ADGRB1: variants seen among roughly 807,000 people sequenced by gnomAD.
ADGRB1 encodes adhesion G protein-coupled receptor B1, also known as brain-specific angiogenesis inhibitor 1.
ADGRB1 carries 36 observed loss-of-function variants against 175.7 expected under a neutral mutation model. The ratio of observed to expected loss-of-function variants is 0.20; its 90% CI spans 0.16 to 0.27. ADGRB1 has a LOEUF of 0.27. Among genes scored for constraint, ADGRB1 ranks in the 10% least tolerant of loss-of-function variants. ADGRB1 has a pLI of 1.00. For missense variants in ADGRB1, 1,731 were observed against 2,255.3 expected (o/e 0.77, Z 4.71); for synonymous variants, 1,054 against 979.4 (o/e 1.08, Z -1.42).
Position 142,543,139 on chromosome 8 carries a change from T to C in ADGRB1, c.4414-264T>C, listed in dbSNP as rs553928675. ...GGGGACCCAGCCATGTGGCCCCAAG[T>C]TCAGGTCTCCTTGATCCTGGGGAGT... is the stretch of plus-strand genomic sequence containing the variant. On this transcript the variant is annotated intron_variant, in intron 28 of 30. Transcript: ENST00000517894. This position sits in a 1 kb window ranked among gnomAD's most constrained non-coding sequence, Gnocchi z 4.4. Among the ~76,000 whole-genome samples the C allele has an allele frequency of 6.6e-6, 1 of 152,220 alleles. No individual in the cohort carries two copies. Among genetic ancestry groups the C allele is most frequent in the African/African-American group, 2.4e-5 (1 of 41,554 alleles).
rs938209564 is a variant in ADGRB1, at chr8:142,510,712, T to TCGG, written c.2676-204_2676-202dup. The stretch of plus-strand genomic sequence containing the variant: ...TCCCTCGGGCTGCGCTCCGCGGCTC[T>TCGG]CGGCGGCGGCGGCGGCGGGCGCAGA... On this transcript the variant is annotated intron_variant, in intron 17 of 30. Coordinates refer to ENST00000517894, the MANE Select transcript of ADGRB1 (RefSeq NM_001702.3). The surrounding 1 kb of genome is among the most constrained non-coding windows in gnomAD (Gnocchi z 6.3). Among the ~76,000 whole-genome samples the TCGG allele has an allele frequency of 1.8e-4, 25 of 142,106 alleles. No homozygotes were observed. Among genetic ancestry groups the TCGG allele is most frequent in the African/African-American group, 5.1e-4 (20 of 39,204 alleles). The allele number at this position is 142,106 out of a possible 152,430, so 93.2% of individuals were successfully genotyped here.
intron 2 of ADGRB1, among the ~76,000 whole-genome samples, chr8:142,472,199 C>T (rs1426629440): frequency 6.6e-6 from 1 of 152,180 alleles, no homozygotes; most frequent in Non-Finnish European, 1.5e-5. Context: ...CCATCCCAGC[C>T]AACTCGGGGT....
intron 1 of ADGRB1, among the ~76,000 whole-genome samples, chr8:142,459,559 G>A (rs959487201): frequency 1.3e-5 from 2 of 152,186 alleles, no homozygotes; most frequent in Non-Finnish European, 2.9e-5. Flanking sequence ...TGTCCCCGCT[G>A]CCCTCACATC....
At position 142,511,368 on chromosome 8, in the gene ADGRB1, C is replaced by T. The variant is rs1048961951; in HGVS notation, c.2817+295C>T. 6.6e-6 allele frequency among the ~76,000 whole-genome samples: 1 copy of T among 152,078 alleles called. No individual in the cohort carries two copies. The highest frequency in any genetic ancestry group is 1.5e-5 in the Non-Finnish European group (1 of 67,988). On this transcript the variant is annotated intron_variant, in intron 18 of 30. Transcript: ENST00000517894. The surrounding 1 kb of genome is among the most constrained non-coding windows in gnomAD (Gnocchi z 4.5). Reference sequence around the variant, plus strand: ...CCCTGGCCTTGGAGGCCCGGGATCTCCGAGGGAGCCTGGGCCTGGGGAGAG... The same window carrying T: ...CCCTGGCCTTGGAGGCCCGGGATCTTCGAGGGAGCCTGGGCCTGGGGAGAG...
At chr8:142,496,130 C>G (rs111066435) in intron 17 of ADGRB1, among the ~76,000 whole-genome samples, 4 of 52,960 alleles carry the variant, frequency 7.6e-5, no homozygotes, top group African/African-American at 2.2e-4. Context: ...GATGGGTGGA[C>G]GGGTGAATAG....
intron 13 of ADGRB1, 130 bp downstream of exon 13, chr8:142,484,894 A>G (rs1490786259): frequency 1.5e-5 from 10 of 689,032 alleles, no homozygotes; most frequent in Admixed American, 1.0e-4. Context: ...CTCCCAGCCG[A>G]TTTCTCAGAT....
rs1242499219 is a variant in ADGRB1 at position 142,475,782 on chromosome 8, GGGGGCGGGACCAGGTA to G, written c.946+156_946+171del. 5 of 716,050 alleles carry G rather than the reference GGGGGCGGGACCAGGTA, an allele frequency of 7.0e-6. No individual in the cohort carries two copies. The African/African-American group carries it at 9.3e-5, about 13-fold the overall frequency. 44.4% of individuals were successfully genotyped at this position (716,050 alleles called of 1,614,324 possible). ...AAGGGGCCGGTGGAGGGAGGGGCTT[GGGGGCGGGACCAGGTA>G]GGGGCGGGGCCGGGGCCGGGGCCTG... On this transcript the variant is annotated intron_variant, in intron 3 of 30. Coordinates refer to ENST00000517894, the MANE Select transcript of ADGRB1 (RefSeq NM_001702.3).
Position 142,456,903 on chromosome 8 carries a change from G to C in ADGRB1, c.-220+6799G>C, listed in dbSNP as rs1015894732. Among the ~76,000 whole-genome samples the C allele has an allele frequency of 2.0e-5, 3 of 152,366 alleles. No individual in the cohort carries two copies. In the East Asian group the frequency reaches 5.8e-4, roughly 29 times the overall value. On this transcript the variant is annotated intron_variant, in intron 1 of 30. Coordinates refer to ENST00000517894, the MANE Select transcript of ADGRB1 (RefSeq NM_001702.3). The stretch of plus-strand genomic sequence containing the variant: ...TCAGGTCCCCATACTGTTGCTAGGG[G>C]CTCACCAGCCTGGTGGGCAGCCCTG...
rs781521473 is a variant in ADGRB1 at position 142,477,372 on chromosome 8, C to T, written c.1223-13C>T. 1.3e-5 allele frequency: 21 copies of T among 1,585,004 alleles called. No homozygotes were observed. The highest frequency in any genetic ancestry group is 4.4e-5 in the South Asian group (4 of 90,626). On this transcript the variant is annotated splice_polypyrimidine_tract_variant and intron_variant, in intron 5 of 30. Transcript: ENST00000517894. The stretch of plus-strand genomic sequence containing the variant: ...GGCCGCAGTGGGCAGCAGCACCTTC[C>T]GTCCCTCTGCAGTGCATGGTGCCTG...
chr8:142,524,277 C>T lies in ADGRB1; in HGVS notation c.3285C>T (p.Phe1095=). ...TGGAGGGGGGACTGCTCTATGCCTT[C>T]GTGGGACCTGCCGCTGCCGTTGTGC... ...LSLEGGLLYA[F]VGPAAAVVLV... is the part of the protein sequence containing the mutation. The change falls in exon 23 of 31, where the codon TTC becomes TTT. Residue 1095 remains phenylalanine (F), a synonymous_variant. Transcript: ENST00000517894. 1 of 1,599,332 alleles carries T rather than the reference C, an allele frequency of 6.3e-7. No homozygotes were observed. Among genetic ancestry groups the T allele is most frequent in the Non-Finnish European group, 8.5e-7 (1 of 1,178,690 alleles).
At chr8:142,496,217 G>T (rs1361673179) in intron 17 of ADGRB1, among the ~76,000 whole-genome samples, 1 of 151,300 alleles carries the variant, frequency 6.6e-6, no homozygotes, top group East Asian at 2.0e-4. Context: ...GGATAGATGG[G>T]TGGCTGGCTG....
Position 142,464,985 on chromosome 8 carries a change from G to C in ADGRB1, c.784+3G>C. On this transcript the variant is annotated splice_donor_region_variant and intron_variant, in intron 2 of 30. Transcript: ENST00000517894. ...CCGGGGCGGGCACGGCGCCACAGGT[G>C]AGTGACTGGCGGGGAAACCTTCGGA... The C allele has an allele frequency of 6.7e-7, 1 of 1,493,692 alleles. No homozygotes were observed. The highest frequency in any genetic ancestry group is 8.9e-7 in the Non-Finnish European group (1 of 1,128,510). 92.5% of individuals were successfully genotyped at this position (1,493,692 alleles called of 1,614,324 possible).
chr8:142,507,961 G>A (rs1003312132), intron 17 of ADGRB1, among the ~76,000 whole-genome samples: 4 of 152,008 alleles, frequency 2.6e-5, no homozygotes, highest in African/African-American at 9.7e-5. Context: ...CCCCAGGCAC[G>A]GGGATGGGCC....
intron 17 of ADGRB1, among the ~76,000 whole-genome samples, chr8:142,500,901 G>T (rs749578516): frequency 6.6e-6 from 1 of 152,194 alleles, no homozygotes; most frequent in Non-Finnish European, 1.5e-5. Flanking sequence ...GAGGGCAGGG[G>T]TGTCAGGTGT....
At chr8:142,531,161 G>A (rs1347734707) in intron 24 of ADGRB1, among the ~76,000 whole-genome samples, 1 of 152,246 alleles carries the variant, frequency 6.6e-6, no homozygotes, top group Non-Finnish European at 1.5e-5. Context: ...GAGGAGAGGA[G>A]TCCAGGGTCC....
chr8:142,519,131 C>T lies in ADGRB1; in HGVS notation c.2921+890C>T, dbSNP rs375900722. Among the ~76,000 whole-genome samples, 270 of 152,194 alleles carry T rather than the reference C, an allele frequency of 1.8e-3. 3 individuals are homozygous for T. Among genetic ancestry groups the T allele is most frequent in the African/African-American group, 5.9e-3 (244 of 41,520 alleles). ...GGGGGACCATGGTGTTTCCTCTTCC[C>T]GGGACCTGCCTTCCCCTAGGGCCTG... On this transcript the variant is annotated intron_variant, in intron 19 of 30. Transcript: ENST00000517894.
rs913913899 is a variant in ADGRB1 at position 142,543,016 on chromosome 8, T to A, written c.4413+369T>A. Among the ~76,000 whole-genome samples, 46 of 152,118 alleles carry A rather than the reference T, an allele frequency of 3.0e-4. No homozygotes were observed. The highest frequency in any genetic ancestry group is 6.0e-4 in the Non-Finnish European group (41 of 67,986). On this transcript the variant is annotated intron_variant, in intron 28 of 30. Transcript: ENST00000517894. The surrounding 1 kb of genome is among the most constrained non-coding windows in gnomAD (Gnocchi z 4.4). ...CCAGCCTCAGTCAGCCTGTAGGATG[T>A]TGTTTTTGGGGGAGCCCGTCCCCAC... is the stretch of plus-strand genomic sequence containing the variant.
Position 142,488,597 on chromosome 8 carries a change from G to A in ADGRB1, c.2452+90G>A, listed in dbSNP as rs186669191. ...ACCACCCTTCTGGAGTCTAGCTGCT[G>A]CCTCAGAGTTGGGCGGTTCTCAAGG... is the stretch of plus-strand genomic sequence containing the variant. On this transcript the variant is annotated intron_variant, in intron 14 of 30. Transcript: ENST00000517894. 2.8e-4 allele frequency: 423 copies of A among 1,524,368 alleles called. No individual in the cohort carries two copies. The African/African-American group carries it at 5.4e-3, about 19-fold the overall frequency. 94.4% of individuals were successfully genotyped at this position (1,524,368 alleles called of 1,614,324 possible). A position where few individuals can be genotyped will look rare whatever the true frequency, so the allele number is the denominator to read the frequency against.
At chr8:142,466,280 C>A (rs546522511) in intron 2 of ADGRB1, among the ~76,000 whole-genome samples, 2 of 152,258 alleles carry the variant, frequency 1.3e-5, no homozygotes, top group South Asian at 4.2e-4. Flanking sequence ...GCCAGTGAAG[C>A]CTATGGACTC....
Sources: allele counts gnomAD v4.1 joint callset (sites outside exome capture counted in the v4.1 genomes callset), GRCh38; gene constraint gnomAD v4.1.1; non-coding constraint Gnocchi (gnomAD v3.1); transcripts MANE v1.5; gene names NCBI Gene and HGNC (gene_info 2026-07-23, HGNC 2026-07-21).